The following HDAC9 variants were observed in gnomAD, a reference collection of about 807,000 sequenced individuals.
The protein encoded by HDAC9 is MEF-2 interacting transcription repressor (MITR) protein.
HDAC9 carries 41 observed loss-of-function variants against 139.4 expected under a neutral mutation model. The ratio of observed to expected loss-of-function variants is 0.29; its 90% CI spans 0.23 to 0.38. The LOEUF (loss-of-function observed/expected upper bound fraction) is 0.38, where lower values mean the gene tolerates loss of function less well. Ranked by LOEUF, HDAC9 falls within the 10% of genes least tolerant of loss-of-function variation. The pLI is 1.00. For synonymous variants in HDAC9, 517 were observed against 476.2 expected (o/e 1.09, Z -1.12); for missense variants, 1,147 against 1,297.0 (o/e 0.88, Z 1.78).
chr7:18,936,052 T>C, intron 23 of HDAC9, 110 bp downstream of exon 23: 1 of 1,017,918 alleles, frequency 9.8e-7, no homozygotes, highest in Non-Finnish European at 1.4e-6. Context: ...AACATTGCTC[T>C]TACCATTAAG....
intron 2 of HDAC9, chr7:18,162,458 G>A: frequency 1.0e-6 from 1 of 975,108 alleles, no homozygotes; most frequent in Non-Finnish European, 1.5e-6. Context: ...TTTTTTTTTG[G>A]ACAAAGATTG....
Position 18,920,705 on chromosome 7 carries a change from C to G in HDAC9, c.2804-15104C>G, listed in dbSNP as rs956655787. Among the ~76,000 whole-genome samples the G allele has an allele frequency of 3.7e-4, 57 of 152,010 alleles. 1 individual carries two copies. The highest frequency in any genetic ancestry group is 9.7e-4 in the East Asian group (5 of 5,146). On this transcript the variant is annotated intron_variant, in intron 22 of 25. Coordinates refer to ENST00000686413, the MANE Select transcript of HDAC9 (RefSeq NM_178425.4). ...TTTATTGAGCGTTTTTAGCATGAAG[C>G]GTTGTTGAATTTTGTCAAAGGCCTT...
rs1287817392 is a variant in HDAC9 at position 18,832,983 on chromosome 7, A to ACCTC, written c.2467-2483_2467-2480dup. Among the ~76,000 whole-genome samples the ACCTC allele has an allele frequency of 1.1e-3, 162 of 152,036 alleles. 2 individuals are homozygous for ACCTC. The highest frequency in any genetic ancestry group is 1.9e-4 in the Non-Finnish European group (13 of 67,976). ...ATTCCCAACCTCAGGTGATCTGCCC[A>ACCTC]CCTCGGCCTCCCAAAGTGCTGGGAT... On this transcript the variant is annotated intron_variant, in intron 19 of 25. Transcript: ENST00000686413.
chr7:18,446,791 A>G (rs1792337116), intron 1 of HDAC9, among the ~76,000 whole-genome samples: 1 of 152,182 alleles, frequency 6.6e-6, no homozygotes, highest in Admixed American at 6.5e-5. Context: ...TGGAAATATC[A>G]AGGGCTGCCT....
At chr7:18,182,917 AAGAG>A (rs750564980) in intron 2 of HDAC9, among the ~76,000 whole-genome samples, 54 of 152,316 alleles carry the variant, frequency 3.5e-4, no homozygotes, top group African/African-American at 8.2e-4. Flanking sequence ...AAACGGAAGA[AAGAG>A]AGAAGAGTAG....
intron 2 of HDAC9, among the ~76,000 whole-genome samples, chr7:18,253,297 T>A (rs1264458439): frequency 6.6e-6 from 1 of 152,216 alleles, no homozygotes; most frequent in African/African-American, 2.4e-5. Context: ...TTGAATGGTA[T>A]TTCTGTTTTT....
upstream of HDAC9, chr7:18,290,044 C>A (rs1227969583): frequency 1.3e-5 from 2 of 155,018 alleles, no homozygotes; most frequent in Non-Finnish European, 2.9e-5. Flanking sequence ...CCACTTCCCA[C>A]ACGTCCTCTG....
intron 1 of HDAC9, among the ~76,000 whole-genome samples, chr7:18,319,726 T>TTAGAAGGTAAAG (rs2067369): frequency 6.6e-6 from 1 of 151,958 alleles, no homozygotes; most frequent in Non-Finnish European, 1.5e-5. Flanking sequence ...CCATCCAACT[T>TTAGAAGGTAAAG]ATGTATTTGT....
chr7:18,983,032 T>C (rs1255095774), intron 25 of HDAC9, among the ~76,000 whole-genome samples: 1 of 152,190 alleles, frequency 6.6e-6, no homozygotes, highest in Non-Finnish European at 1.5e-5. Context: ...ATGTGTATTG[T>C]TGTGCAACAG....
At chr7:18,143,406 A>C (rs997506478) in intron 1 of HDAC9, among the ~76,000 whole-genome samples, 3 of 152,212 alleles carry the variant, frequency 2.0e-5, no homozygotes, top group African/African-American at 7.2e-5. Context: ...AAGAAGTTCT[A>C]TTTATTGACA....
At chr7:18,097,375 C>T (rs771995549) in intron 1 of HDAC9, among the ~76,000 whole-genome samples, 10 of 152,052 alleles carry the variant, frequency 6.6e-5, no homozygotes, top group Non-Finnish European at 1.5e-4. Context: ...TGTTCACTTG[C>T]CCCACCATCT....
At chr7:18,916,022 G>GAAAAAAA (rs55866735) in intron 22 of HDAC9, among the ~76,000 whole-genome samples, 2 of 138,130 alleles carry the variant, frequency 1.4e-5, no homozygotes, top group African/African-American at 5.3e-5. Context: ...CCCCCCGCTG[G>GAAAAAAA]AAAAAAAAAA....
At chr7:18,772,379 C>A (rs1256411559) in intron 16 of HDAC9, among the ~76,000 whole-genome samples, 1 of 151,996 alleles carries the variant, frequency 6.6e-6, no homozygotes, top group African/African-American at 2.4e-5. Flanking sequence ...TTTGCATGTT[C>A]CTGAGGTTTT....
intron 16 of HDAC9, among the ~76,000 whole-genome samples, chr7:18,774,212 T>C (rs1043047033): frequency 1.3e-5 from 2 of 152,068 alleles, no homozygotes; most frequent in Admixed American, 6.6e-5. Context: ...GACTAAGCAA[T>C]GATTCTCTTA....
intron 13 of HDAC9, 64 bp from the exon 14 acceptor site, chr7:18,748,941 C>G: frequency 6.9e-7 from 1 of 1,457,944 alleles, no homozygotes; most frequent in East Asian, 2.3e-5. Flanking sequence ...CATATTATCT[C>G]CTAACATGTG....
intron 1 of HDAC9, among the ~76,000 whole-genome samples, chr7:18,434,143 T>G (rs1447243950): frequency 6.6e-6 from 1 of 152,114 alleles, no homozygotes. Flanking sequence ...TTGGCAAAGT[T>G]GACAAAAACA....
At chr7:18,386,800 T>C (rs1477432023) in intron 1 of HDAC9, among the ~76,000 whole-genome samples, 1 of 152,196 alleles carries the variant, frequency 6.6e-6, no homozygotes, top group African/African-American at 2.4e-5. Context: ...CTGCCTTCTT[T>C]TGTCATTTCA....
At chr7:18,876,471 A>G (rs934979124) in intron 22 of HDAC9, among the ~76,000 whole-genome samples, 4 of 152,200 alleles carry the variant, frequency 2.6e-5, no homozygotes, top group African/African-American at 9.6e-5. Context: ...TTGCAGTTTA[A>G]TAAGGAAAAA....
At chr7:18,854,771 G>GA (rs1388915839) in intron 21 of HDAC9, among the ~76,000 whole-genome samples, 15 of 150,886 alleles carry the variant, frequency 9.9e-5, no homozygotes, top group Admixed American at 2.6e-4. Context: ...ACTACAGCAA[G>GA]AAAAAAAACA....
Sources: allele counts gnomAD v4.1 joint callset (sites outside exome capture counted in the v4.1 genomes callset), GRCh38; gene constraint gnomAD v4.1.1; transcripts MANE v1.5; gene names NCBI Gene and HGNC (gene_info 2026-07-23, HGNC 2026-07-21).